The following SHQ1 variants were observed in gnomAD, a reference collection of about 807,000 sequenced individuals.
SHQ1 encodes the protein protein SHQ1 homolog.
In SHQ1, 49 loss-of-function variants were observed where a neutral mutation model predicts 53.8. That is an observed-to-expected ratio of 0.91 (90% CI 0.72 to 1.16). The LOEUF (loss-of-function observed/expected upper bound fraction) is 1.16, where lower values mean the gene tolerates loss of function less well. Among genes scored for constraint, SHQ1 ranks in the 50% most tolerant of loss-of-function variants. The pLI, the probability that SHQ1 is intolerant of heterozygous loss-of-function variation, is 0.00. For synonymous variants in SHQ1, 243 were observed against 251.0 expected (o/e 0.97, Z 0.30); for missense variants, 738 against 683.1 (o/e 1.08, Z -0.90).
chr3:72,755,005 A>G (rs1277181925), intron 10 of SHQ1, among the ~76,000 whole-genome samples: 1 of 152,160 alleles, frequency 6.6e-6, no homozygotes, highest in Non-Finnish European at 1.5e-5. Flanking sequence ...AACAGTAGAA[A>G]TGTGGAATTC....
At chr3:72,762,096 T>G (rs1705622919) in intron 10 of SHQ1, among the ~76,000 whole-genome samples, 1 of 152,176 alleles carries the variant, frequency 6.6e-6, no homozygotes, top group African/African-American at 2.4e-5. Context: ...CATACATACA[T>G]GTGCACACAC....
intron 6 of SHQ1, 125 bp downstream of exon 6, chr3:72,824,299 T>C (rs890437757): frequency 1.7e-6 from 2 of 1,181,280 alleles, no homozygotes; most frequent in African/African-American, 1.6e-5. Flanking sequence ...AAATTAGCAA[T>C]TCAAACTCAT....
intron 10 of SHQ1, among the ~76,000 whole-genome samples, chr3:72,792,011 C>T (rs1706454235): frequency 6.6e-6 from 1 of 152,178 alleles, no homozygotes; most frequent in Admixed American, 6.5e-5. Context: ...CAATGGTAAA[C>T]ACTTTTAAAA....
In SHQ1 at chr3:72,752,662, G is replaced by T. The variant is rs367891838; in HGVS notation, c.1182-1826C>A. On this transcript the variant is annotated intron_variant, in intron 10 of 10. Transcript: ENST00000325599. ...CTGCCTCAGCATCCCGAGTAGCTTGGACTACAGGCGCGTACCACCATGCCC... is the reference window on the plus strand; with the variant it reads ...CTGCCTCAGCATCCCGAGTAGCTTGTACTACAGGCGCGTACCACCATGCCC... 2.6e-5 allele frequency among the ~76,000 whole-genome samples: 4 copies of T among 152,136 alleles called. No homozygotes were observed. The South Asian group carries it at 8.3e-4, about 32-fold the overall frequency.
chr3:72,764,221 T>C (rs1043859260), intron 10 of SHQ1, among the ~76,000 whole-genome samples: 1 of 152,026 alleles, frequency 6.6e-6, no homozygotes, highest in Non-Finnish European at 1.5e-5. Context: ...TACTTACAAG[T>C]AGAAGAGGTG....
At chr3:72,778,872 T>C (rs1263408682) in intron 10 of SHQ1, among the ~76,000 whole-genome samples, 1 of 152,246 alleles carries the variant, frequency 6.6e-6, no homozygotes, top group African/African-American at 2.4e-5. Flanking sequence ...TTATCATTCA[T>C]TCAGCTGTGC....
intron 1 of SHQ1, chr3:72,846,396 G>C (rs1708330208): frequency 1.6e-6 from 2 of 1,241,540 alleles, no homozygotes; most frequent in Admixed American, 4.9e-5. Flanking sequence ...CCAGGTTCAA[G>C]CGATTCTCTC....
At chr3:72,841,009 C>T in intron 4 of SHQ1, 36 bp downstream of exon 4, 4 of 1,569,984 alleles carry the variant, frequency 2.5e-6, no homozygotes, top group Non-Finnish European at 3.4e-6. Context: ...AATGGAAAAA[C>T]CCTATAGATC....
chr3:72,788,629 G>A (rs914519768), intron 10 of SHQ1, among the ~76,000 whole-genome samples: 74 of 152,184 alleles, frequency 4.9e-4, no homozygotes, highest in African/African-American at 1.8e-3. Flanking sequence ...CAGTTTTGTC[G>A]AACAGAAAAG....
chr3:72,758,488 T>C (rs900586942), intron 10 of SHQ1, among the ~76,000 whole-genome samples: 3 of 151,432 alleles, frequency 2.0e-5, no homozygotes, highest in Non-Finnish European at 4.4e-5. Context: ...AAGGCTGCCA[T>C]AACAAACCAC....
At chr3:72,734,713 G>A in the SHQ1 span, among the ~76,000 whole-genome samples, 1 of 151,732 alleles carries the variant, frequency 6.6e-6, no homozygotes, top group Non-Finnish European at 1.5e-5. Flanking sequence ...GAAAAACATG[G>A]TTGCTGTGAA....
intron 4 of SHQ1, among the ~76,000 whole-genome samples, chr3:72,836,508 GCT>G (rs1708001985): frequency 6.6e-6 from 1 of 151,878 alleles, no homozygotes; most frequent in African/African-American, 2.4e-5. Context: ...AAAGAAAGCA[GCT>G]CTTTTTCCTC....
chr3:72,814,752 A>G (rs1707254798), intron 8 of SHQ1, among the ~76,000 whole-genome samples: 1 of 152,186 alleles, frequency 6.6e-6, no homozygotes, highest in South Asian at 2.1e-4. Flanking sequence ...AGACCTGCAC[A>G]ACTATTTTTC....
In SHQ1 at chr3:72,767,165, T is replaced by A. The variant is rs150279823; in HGVS notation, c.1182-16329A>T. Among the ~76,000 whole-genome samples the A allele has an allele frequency of 3.3e-5, 5 of 152,262 alleles. No homozygotes were observed. The South Asian group carries it at 6.2e-4, about 19-fold the overall frequency. ...TCAGACTTGAGGGCTTCCAAATTGC[T>A]TTCATATGTACGAACCCATCTGATC... On this transcript the variant is annotated intron_variant, in intron 10 of 10. Transcript: ENST00000325599.
intron 10 of SHQ1, among the ~76,000 whole-genome samples, chr3:72,783,284 C>T (rs1706126515): frequency 6.6e-6 from 1 of 152,058 alleles, no homozygotes; most frequent in Non-Finnish European, 1.5e-5. Flanking sequence ...TGTATCTCCA[C>T]ATCTTCTCCT....
At chr3:72,819,737 A>T (rs1026618519) in intron 6 of SHQ1, among the ~76,000 whole-genome samples, 1 of 152,200 alleles carries the variant, frequency 6.6e-6, no homozygotes, top group Non-Finnish European at 1.5e-5. Context: ...TATTTAATTT[A>T]AAATTTACTG....
chr3:72,833,587 A>G (rs1707906520), intron 4 of SHQ1, among the ~76,000 whole-genome samples: 1 of 151,344 alleles, frequency 6.6e-6, no homozygotes, highest in African/African-American at 2.4e-5. Context: ...TTTACGGGCA[A>G]TTTTGATGCA....
At chr3:72,754,245 C>T (rs1182718134) in intron 10 of SHQ1, among the ~76,000 whole-genome samples, 1 of 152,134 alleles carries the variant, frequency 6.6e-6, no homozygotes, top group Non-Finnish European at 1.5e-5. Context: ...AGGAGAGCCG[C>T]TGAGGTTCAC....
At chr3:72,795,187 T>C (rs1162636452) in intron 9 of SHQ1, 2 of 152,138 alleles carry the variant, frequency 1.3e-5, no homozygotes, top group African/African-American at 4.8e-5. Flanking sequence ...GCAGATACAA[T>C]AAAGAATGAA....
Sources: gnomAD v4.1 joint callset for allele counts (sites outside exome capture counted in the v4.1 genomes callset) on GRCh38, gnomAD v4.1.1 for gene constraint, MANE v1.5 for transcripts, NCBI Gene and HGNC (gene_info 2026-07-23, HGNC 2026-07-21) for gene names.